Variants in CLRN1 observed in about 807,000 individuals in gnomAD.
CLRN1 encodes the protein clarin-1.
CLRN1 carries 15 observed loss-of-function variants against 18.7 expected under a neutral mutation model. The ratio of observed to expected loss-of-function variants is 0.80; its 90% CI spans 0.54 to 1.23. The LOEUF is 1.23. Ranked by LOEUF, CLRN1 falls within the 50% of genes most tolerant of loss-of-function variation. The pLI is 0.00. For missense variants in CLRN1, 311 were observed against 277.5 expected (o/e 1.12, Z -0.86); for synonymous variants, 104 against 102.9 (o/e 1.01, Z -0.07).
intron 1 of CLRN1, among the ~76,000 whole-genome samples, chr3:150,954,560 G>A (rs992767761): frequency 6.6e-6 from 1 of 152,130 alleles, no homozygotes; most frequent in African/African-American, 2.4e-5. Context: ...CTCTGTCTGT[G>A]GCTTGTATTT....
chr3:150,959,524 G>A (rs1455120582), intron 1 of CLRN1, among the ~76,000 whole-genome samples: 1 of 151,680 alleles, frequency 6.6e-6, no homozygotes, highest in Non-Finnish European at 1.5e-5. Flanking sequence ...AGCTACTCAG[G>A]AGGCTGGGGC....
At position 150,970,981 on chromosome 3, in the gene CLRN1, A is replaced by G. The variant is rs114437466; in HGVS notation, c.253+1475T>C. ...TTATTATTGTTTTGAAACATGTCCT[A>G]TGGCATGAGTAAAGTTTATCTCCAT... On this transcript the variant is annotated intron_variant, in intron 1 of 2. Transcript: ENST00000327047. 2.3e-3 allele frequency among the ~76,000 whole-genome samples: 350 copies of G among 152,364 alleles called. 1 individual carries two copies. The highest frequency in any genetic ancestry group is 4.4e-3 in the Non-Finnish European group (297 of 68,026).
chr3:150,964,813 C>T (rs1365021225), intron 1 of CLRN1, among the ~76,000 whole-genome samples: 1 of 152,076 alleles, frequency 6.6e-6, no homozygotes, highest in African/African-American at 2.4e-5. Flanking sequence ...GAAAACCAAA[C>T]ACCGCATGTT....
chr3:150,965,693 C>T (rs1335863032), intron 1 of CLRN1, among the ~76,000 whole-genome samples: 1 of 152,146 alleles, frequency 6.6e-6, no homozygotes, highest in Non-Finnish European at 1.5e-5. Context: ...CCACTTAGAA[C>T]CTGCCCCTGT....
intron 2 of CLRN1, among the ~76,000 whole-genome samples, chr3:150,930,528 T>C (rs1015892640): frequency 3.3e-5 from 5 of 152,214 alleles, no homozygotes; most frequent in Non-Finnish European, 7.3e-5. Flanking sequence ...AATATTCCTT[T>C]GTAAAATTTT....
intron 1 of CLRN1, among the ~76,000 whole-genome samples, chr3:150,959,620 C>T (rs967056663): frequency 7.9e-6 from 1 of 127,262 alleles, no homozygotes; most frequent in Non-Finnish European, 1.6e-5. Context: ...CACAGCGAGA[C>T]TTTGTCTCAA....
At chr3:150,935,408 C>T (rs1175872130) in intron 2 of CLRN1, among the ~76,000 whole-genome samples, 1 of 150,854 alleles carries the variant, frequency 6.6e-6, no homozygotes, top group Non-Finnish European at 1.5e-5. Flanking sequence ...GGTTTTTTGT[C>T]CTTGCGATAG....
chr3:150,937,656 T>C (rs1198785757), intron 2 of CLRN1, among the ~76,000 whole-genome samples: 2 of 152,126 alleles, frequency 1.3e-5, no homozygotes, highest in Non-Finnish European at 2.9e-5. Flanking sequence ...AATGACAAGA[T>C]GAGAAAGAGC....
intron 1 of CLRN1, 100 bp from the exon 2 acceptor site, chr3:150,941,861 C>T: frequency 9.3e-7 from 1 of 1,080,830 alleles, no homozygotes; most frequent in Non-Finnish European, 1.4e-6. Flanking sequence ...TTTCAAACAT[C>T]ACTAAAATCC....
chr3:150,927,235 A>G lies in CLRN1; in HGVS notation c.*701T>C, dbSNP rs1712850119. On this transcript the variant is annotated 3_prime_UTR_variant, in exon 3 of 3. Transcript: ENST00000327047. The stretch of plus-strand genomic sequence containing the variant: ...TTTTAGAGTTTGCAGATTTTGACCA[A>G]CAGACATGGTTAATAAGACTATGCT... 1 of 486,096 alleles carries G rather than the reference A, an allele frequency of 2.1e-6. No individual in the cohort carries two copies. Among genetic ancestry groups the G allele is most frequent in the Admixed American group, 2.3e-5 (1 of 43,558 alleles). 30.1% of individuals were successfully genotyped at this position (486,096 alleles called of 1,614,324 possible).
chr3:150,955,972 C>T (rs1460182830), intron 1 of CLRN1, among the ~76,000 whole-genome samples: 1 of 152,166 alleles, frequency 6.6e-6, no homozygotes, highest in Non-Finnish European at 1.5e-5. Flanking sequence ...TCCTATATTA[C>T]TATTATCCCA....
chr3:150,952,202 G>A (rs2107968796), intron 1 of CLRN1, among the ~76,000 whole-genome samples: 1 of 152,240 alleles, frequency 6.6e-6, no homozygotes, highest in East Asian at 1.9e-4. Flanking sequence ...ACATCATGAT[G>A]GTCTGAAAGT....
intron 2 of CLRN1, among the ~76,000 whole-genome samples, chr3:150,929,284 G>A (rs530354709): frequency 3.9e-5 from 6 of 152,240 alleles, no homozygotes; most frequent in South Asian, 4.1e-4. Flanking sequence ...TGTCTCCCCC[G>A]AAGATGGACA....
intron 2 of CLRN1, among the ~76,000 whole-genome samples, chr3:150,929,407 G>A (rs1713012748): frequency 5.9e-5 from 9 of 152,180 alleles, no homozygotes; most frequent in Admixed American, 5.9e-4. Flanking sequence ...CACAGCTACT[G>A]TTATATCTCA....
chr3:150,943,400 T>C lies in CLRN1; in HGVS notation c.254-1639A>G, dbSNP rs541911308. On this transcript the variant is annotated intron_variant, in intron 1 of 2. Coordinates refer to ENST00000327047, the MANE Select transcript of CLRN1 (RefSeq NM_174878.3). ...CTATAAATACCCCAGACTCAGCCAG[T>C]AGAGAGGAGAAGTGGCTGGACATCA... Among the ~76,000 whole-genome samples the C allele has an allele frequency of 3.9e-4, 59 of 152,234 alleles. No homozygotes were observed. In the South Asian group the frequency reaches 0.012, roughly 30 times the overall value.
At chr3:150,964,089 C>A (rs1045192479) in intron 1 of CLRN1, among the ~76,000 whole-genome samples, 10 of 152,162 alleles carry the variant, frequency 6.6e-5, no homozygotes, top group African/African-American at 2.4e-4. Flanking sequence ...AAAAAAACTT[C>A]TGCGCAGCAA....
chr3:150,942,609 A>G (rs1713921055), intron 1 of CLRN1: 1 of 455,652 alleles, frequency 2.2e-6, no homozygotes, highest in Admixed American at 2.4e-5. Context: ...CAAGATGGAC[A>G]AGATTCCTGT....
rs1302843270 is a variant in CLRN1 at position 150,927,688 on chromosome 3, G to T, written c.*248C>A. 6.5e-6 allele frequency: 4 copies of T among 616,704 alleles called. No homozygotes were observed. Among genetic ancestry groups the T allele is most frequent in the South Asian group, 4.6e-5 (3 of 65,896 alleles). 38.2% of individuals were successfully genotyped at this position (616,704 alleles called of 1,614,324 possible). On this transcript the variant is annotated 3_prime_UTR_variant, in exon 3 of 3. Transcript: ENST00000327047. ...TATATATATGGAGTAACAATTTGTC[G>T]ATTCTAGTCAACTGCCTTTGACTAC... is the stretch of plus-strand genomic sequence containing the variant.
At chr3:150,947,089 G>A (rs909962768) in intron 1 of CLRN1, among the ~76,000 whole-genome samples, 8 of 151,894 alleles carry the variant, frequency 5.3e-5, no homozygotes, top group Admixed American at 1.3e-4. Context: ...TTGTGGTTGC[G>A]CTTTTAAAAG....
Sources: gnomAD v4.1 joint callset for allele counts (sites outside exome capture counted in the v4.1 genomes callset) on GRCh38, gnomAD v4.1.1 for gene constraint, MANE v1.5 for transcripts, NCBI Gene and HGNC (gene_info 2026-07-23, HGNC 2026-07-21) for gene names.